The following OPCML variants were observed in gnomAD, a reference collection of about 807,000 sequenced individuals.
The protein encoded by OPCML is opioid-binding protein/cell adhesion molecule.
OPCML carries 13 observed loss-of-function variants against 37.8 expected under a neutral mutation model. The ratio of observed to expected loss-of-function variants is 0.34; its 90% CI spans 0.22 to 0.55. OPCML has a LOEUF of 0.55. Ranked by LOEUF, OPCML falls within the 20% of genes least tolerant of loss-of-function variation. The pLI, the probability that OPCML is intolerant of heterozygous loss-of-function variation, is 0.91. For synonymous variants in OPCML, 176 were observed against 168.8 expected, an observed-to-expected ratio of 1.04 and a Z score of -0.33; for missense variants, 341 against 435.6, an observed-to-expected ratio of 0.78 and a Z score of 1.93.
chr11:133,066,332 A>C (rs1339407780), intron 1 of OPCML: 2 of 152,264 alleles, frequency 1.3e-5, no homozygotes, highest in African/African-American at 4.8e-5. Context: ...GCAATGCTGA[A>C]GACGCCTTTA....
At chr11:132,833,848 T>C (rs1294755219) in intron 2 of OPCML, among the ~76,000 whole-genome samples, 1 of 152,164 alleles carries the variant, frequency 6.6e-6, no homozygotes, top group Non-Finnish European at 1.5e-5. Flanking sequence ...GGCAAGGTAA[T>C]CCAGTAAGAG....
At chr11:133,504,426 G>C (rs1947984065) in intron 1 of OPCML, among the ~76,000 whole-genome samples, 1 of 152,200 alleles carries the variant, frequency 6.6e-6, no homozygotes, top group South Asian at 2.1e-4. Flanking sequence ...GAAAGAATTA[G>C]AAAGCCAGAG....
intron 1 of OPCML, among the ~76,000 whole-genome samples, chr11:133,319,525 C>A (rs772409543): frequency 6.6e-6 from 1 of 151,946 alleles, no homozygotes; most frequent in Non-Finnish European, 1.5e-5. Flanking sequence ...GGAAGAATAC[C>A]CATAAATTAA....
intron 1 of OPCML, among the ~76,000 whole-genome samples, chr11:133,198,353 G>A (rs960918455): frequency 4.6e-5 from 7 of 152,198 alleles, no homozygotes; most frequent in Non-Finnish European, 5.9e-5. Flanking sequence ...AAGGACATTC[G>A]ATCATACATT....
intron 2 of OPCML, among the ~76,000 whole-genome samples, chr11:132,699,686 G>A (rs888650010): frequency 6.6e-6 from 1 of 151,990 alleles, no homozygotes; most frequent in African/African-American, 2.4e-5. Flanking sequence ...TTGCATGTTA[G>A]GAATAAATCC....
At chr11:133,204,728 A>AGAAC (rs1187645943) in intron 1 of OPCML, among the ~76,000 whole-genome samples, 1 of 151,956 alleles carries the variant, frequency 6.6e-6, no homozygotes, top group Admixed American at 6.6e-5. Flanking sequence ...GGGACAGGAG[A>AGAAC]GAACGCTGGC....
rs7934087 is a variant in OPCML at position 132,542,670 on chromosome 11, G to T, written c.380-13484C>A. On this transcript the variant is annotated intron_variant, in intron 3 of 7. Transcript: ENST00000524381. ...ACCCAGAGCTTTCCAATGATGAATGGGCTGCAGGTCTCTGTTGTGTTTTGC... is the reference window on the plus strand; with the variant it reads ...ACCCAGAGCTTTCCAATGATGAATGTGCTGCAGGTCTCTGTTGTGTTTTGC... 8.6e-5 allele frequency among the ~76,000 whole-genome samples: 13 copies of T among 151,938 alleles called. No homozygotes were observed. In the East Asian group the frequency reaches 1.2e-3, roughly 14 times the overall value.
At chr11:133,075,018 G>A (rs1948599734) in intron 1 of OPCML, among the ~76,000 whole-genome samples, 1 of 152,176 alleles carries the variant, frequency 6.6e-6, no homozygotes. Flanking sequence ...GGACAGGAGG[G>A]CAGAGAGCAG....
At chr11:133,083,513 G>C (rs1044169104) in intron 1 of OPCML, among the ~76,000 whole-genome samples, 6 of 152,224 alleles carry the variant, frequency 3.9e-5, no homozygotes, top group African/African-American at 1.4e-4. Context: ...CATGCATCCA[G>C]CGTGCCTGCT....
chr11:132,952,045 T>C (rs1460293440), intron 1 of OPCML, among the ~76,000 whole-genome samples: 1 of 152,240 alleles, frequency 6.6e-6, no homozygotes, highest in Non-Finnish European at 1.5e-5. Context: ...AGCTTGTGTT[T>C]ATCTGAGAGA....
chr11:132,553,387 G>A (rs551459507), intron 3 of OPCML, among the ~76,000 whole-genome samples: 2 of 152,276 alleles, frequency 1.3e-5, no homozygotes, highest in Non-Finnish European at 2.9e-5. Flanking sequence ...TCCTAAGTCG[G>A]TGTGTACAAA....
At chr11:132,457,189 A>G (rs1177762112) in intron 4 of OPCML, among the ~76,000 whole-genome samples, 2 of 152,186 alleles carry the variant, frequency 1.3e-5, no homozygotes, top group African/African-American at 4.8e-5. Flanking sequence ...GCACAGAGAT[A>G]GAGGGAGTCA....
intron 2 of OPCML, among the ~76,000 whole-genome samples, chr11:132,808,795 C>T (rs927844517): frequency 6.6e-6 from 1 of 152,192 alleles, no homozygotes; most frequent in Admixed American, 6.5e-5. Context: ...AGTAACACAT[C>T]ATTGATTATC....
intron 3 of OPCML, among the ~76,000 whole-genome samples, chr11:132,576,804 C>T (rs2096452027): frequency 6.6e-6 from 1 of 152,154 alleles, no homozygotes; most frequent in African/African-American, 2.4e-5. Context: ...TAACTCTTTC[C>T]CTCCCTAGGG....
intron 1 of OPCML, among the ~76,000 whole-genome samples, chr11:133,458,549 G>T (rs767786185): frequency 1.3e-5 from 1 of 74,848 alleles, no homozygotes; most frequent in East Asian, 3.3e-4. Flanking sequence ...ATATATACAC[G>T]TGTGTGTGTA....
intron 2 of OPCML, among the ~76,000 whole-genome samples, chr11:132,822,183 G>A (rs1021724476): frequency 6.6e-6 from 1 of 152,016 alleles, no homozygotes; most frequent in African/African-American, 2.4e-5. Flanking sequence ...GGTGTGCAGG[G>A]CCACCTTCCA....
chr11:133,046,777 T>C (rs1948025332), intron 1 of OPCML, among the ~76,000 whole-genome samples: 2 of 152,158 alleles, frequency 1.3e-5, no homozygotes, highest in South Asian at 4.1e-4. Context: ...TACAGATTTT[T>C]TAAAAAATCT....
intron 7 of OPCML, among the ~76,000 whole-genome samples, chr11:132,423,380 C>T (rs2095966796): frequency 6.6e-6 from 1 of 152,222 alleles, no homozygotes; most frequent in South Asian, 2.1e-4. Context: ...CACTACGATA[C>T]ACAGTGAAGC....
chr11:132,559,629 G>C (rs1212212961), intron 3 of OPCML, among the ~76,000 whole-genome samples: 20 of 152,254 alleles, frequency 1.3e-4, no homozygotes, highest in East Asian at 1.9e-4. Context: ...TGGAATGAAA[G>C]GGAACTCTAC....
Sources: allele counts gnomAD v4.1 joint callset (sites outside exome capture counted in the v4.1 genomes callset), GRCh38; gene constraint gnomAD v4.1.1; transcripts MANE v1.5; gene names NCBI Gene and HGNC (gene_info 2026-07-23, HGNC 2026-07-21).